WIPI1: variants seen among roughly 807,000 people sequenced by gnomAD.
WIPI1 encodes WD repeat domain phosphoinositide-interacting protein 1.
A neutral mutation model predicts 55.3 loss-of-function variants in WIPI1; 45 were observed. The ratio of observed to expected loss-of-function variants is 0.81; its 90% CI spans 0.64 to 1.04. The LOEUF is 1.04. Among genes scored for constraint, WIPI1 ranks in the 50% least tolerant of loss-of-function variants. The probability of loss-of-function intolerance (pLI) is 0.00; values close to 1 mark genes in which losing one functional copy is unlikely to be tolerated. For synonymous variants in WIPI1, 195 were observed against 217.6 expected (o/e 0.90, Z 0.92); for missense variants, 445 against 559.0 (o/e 0.80, Z 2.06).
chr17:68,426,042 T>C (rs1246368722), intron 12 of WIPI1, 33 bp downstream of exon 12: 1 of 1,589,604 alleles, frequency 6.3e-7, no homozygotes, highest in Admixed American at 1.7e-5. Context: ...GCACACAGAC[T>C]GAGCCGCCCA....
At chr17:68,441,526 G>A (rs2084076155) in intron 4 of WIPI1, among the ~76,000 whole-genome samples, 1 of 152,120 alleles carries the variant, frequency 6.6e-6, no homozygotes, top group Non-Finnish European at 1.5e-5. Context: ...AACAGATAAG[G>A]CGACTCCTGG....
intron 4 of WIPI1, among the ~76,000 whole-genome samples, chr17:68,442,456 C>T (rs1406659697): frequency 7.2e-6 from 1 of 139,670 alleles, no homozygotes; most frequent in Non-Finnish European, 1.5e-5. Flanking sequence ...CAGAGTGAGA[C>T]TGTGTCTCAA....
intron 3 of WIPI1, among the ~76,000 whole-genome samples, chr17:68,447,668 C>T (rs936868310): frequency 1.3e-5 from 2 of 152,152 alleles, no homozygotes; most frequent in Non-Finnish European, 2.9e-5. Context: ...TGGGACCACA[C>T]TTGGCCCTTT....
intron 4 of WIPI1, among the ~76,000 whole-genome samples, chr17:68,443,661 T>C (rs1260591332): frequency 6.6e-6 from 1 of 152,206 alleles, no homozygotes; most frequent in Non-Finnish European, 1.5e-5. Flanking sequence ...GGCACCCAGA[T>C]AGATCTTGAA....
intron 4 of WIPI1, among the ~76,000 whole-genome samples, chr17:68,443,344 C>G (rs1218132693): frequency 2.0e-5 from 3 of 152,154 alleles, no homozygotes; most frequent in Admixed American, 2.0e-4. Flanking sequence ...AACTCCTAAC[C>G]TCAGGTGATC....
chr17:68,424,527 C>T, intron 12 of WIPI1: 1 of 533,324 alleles, frequency 1.9e-6, no homozygotes, highest in East Asian at 5.5e-5. Flanking sequence ...TGTTTCAGTG[C>T]CCAAGTGGCA....
intron 1 of WIPI1, 113 bp from the exon 2 acceptor site, chr17:68,453,105 G>A: frequency 1.3e-6 from 1 of 764,222 alleles, no homozygotes; most frequent in Non-Finnish European, 2.2e-6. Context: ...ACAAGCATCT[G>A]CAGGAGCTTA....
intron 8 of WIPI1, among the ~76,000 whole-genome samples, chr17:68,430,929 A>G (rs1298775721): frequency 2.0e-5 from 3 of 152,084 alleles, no homozygotes; most frequent in Non-Finnish European, 4.4e-5. Flanking sequence ...GAGCTCTGGG[A>G]GGTATTCTTT....
At chr17:68,451,047 T>G in intron 2 of WIPI1, 150 bp from the exon 3 acceptor site, 1 of 1,102,632 alleles carries the variant, frequency 9.1e-7, no homozygotes, top group East Asian at 2.8e-5. Context: ...GCATTGACAG[T>G]GATCCACCAT....
In WIPI1 at chr17:68,441,027, G is replaced by C. The variant is rs777775584; in HGVS notation, c.430+3466C>G. On this transcript the variant is annotated intron_variant, in intron 4 of 12. Transcript: ENST00000262139. Reference sequence around the variant, plus strand: ...CTTGCTGGGGAAGAAACCATGAACTGTTCAATGATCTGCATTGCTGTGTGG... The same window carrying C: ...CTTGCTGGGGAAGAAACCATGAACTCTTCAATGATCTGCATTGCTGTGTGG... 1.3e-5 allele frequency: 2 copies of C among 152,194 alleles called. 1 individual carries two copies. Among genetic ancestry groups the C allele is most frequent in the South Asian group, 4.1e-4 (2 of 4,830 alleles). 9.4% of individuals were successfully genotyped at this position (152,194 alleles called of 1,614,324 possible). A position where few individuals can be genotyped will look rare whatever the true frequency, so the allele number is the denominator to read the frequency against.
At chr17:68,425,521 A>G (rs2083111644) in intron 12 of WIPI1, among the ~76,000 whole-genome samples, 1 of 150,454 alleles carries the variant, frequency 6.6e-6, no homozygotes, top group Non-Finnish European at 1.5e-5. Context: ...GCACCCGGCC[A>G]CTTGTTTCTT....
At chr17:68,449,657 C>A (rs369764924) in intron 3 of WIPI1, among the ~76,000 whole-genome samples, 35 of 152,180 alleles carry the variant, frequency 2.3e-4, no homozygotes, top group Admixed American at 1.3e-4. Flanking sequence ...ACGTAAGACG[C>A]CTGCTCCCGC....
At chr17:68,433,105 T>G (rs563726028) in intron 8 of WIPI1, among the ~76,000 whole-genome samples, 6 of 152,386 alleles carry the variant, frequency 3.9e-5, no homozygotes, top group South Asian at 2.1e-4. Context: ...CACTTCTTAG[T>G]GCTTCCTATG....
In WIPI1 at chr17:68,421,680, C is replaced by G; in HGVS notation, c.*93G>C. ...CCCGGGATTCCTGCCCCCCTTTCTG[C>G]TCACACAATTGCACTCCATTCTTCC... On this transcript the variant is annotated 3_prime_UTR_variant, in exon 13 of 13. Coordinates refer to ENST00000262139, the MANE Select transcript of WIPI1 (RefSeq NM_017983.7). 6.4e-7 allele frequency: 1 copy of G among 1,571,800 alleles called. No individual in the cohort carries two copies. The highest frequency in any genetic ancestry group is 2.2e-5 in the East Asian group (1 of 44,656).
At chr17:68,428,678 G>A in intron 10 of WIPI1, 151 bp downstream of exon 10, 1 of 622,160 alleles carries the variant, frequency 1.6e-6, no homozygotes, top group East Asian at 2.8e-5. Context: ...AGAGCCCGGT[G>A]CAGAGCACTT....
At chr17:68,437,108 T>C (rs536162318) in intron 4 of WIPI1, among the ~76,000 whole-genome samples, 8 of 152,200 alleles carry the variant, frequency 5.3e-5, no homozygotes, top group Admixed American at 6.5e-5. Flanking sequence ...AATTCCATTA[T>C]CCTCTAGGGT....
At chr17:68,429,258 C>T (rs2083401610) in intron 9 of WIPI1, among the ~76,000 whole-genome samples, 1 of 152,158 alleles carries the variant, frequency 6.6e-6, no homozygotes, top group Admixed American at 6.5e-5. Context: ...TGTGTCTCTG[C>T]CCTTAACCAA....
chr17:68,424,652 G>A, intron 12 of WIPI1: 1 of 379,776 alleles, frequency 2.6e-6, no homozygotes, highest in South Asian at 2.0e-5. Flanking sequence ...GAGACGAGTG[G>A]ATCACTTGAG....
chr17:68,426,254 G>GCCCCCCCCCCCC, intron 11 of WIPI1, 79 bp from the exon 12 acceptor site: 3 of 816,892 alleles, frequency 3.7e-6, no homozygotes, highest in Non-Finnish European at 1.9e-6. Flanking sequence ...GGGAGCGGGG[G>GCCCCCCCCCCCC]CTCAAATAAA....
Sources: allele counts gnomAD v4.1 joint callset (sites outside exome capture counted in the v4.1 genomes callset), GRCh38; gene constraint gnomAD v4.1.1; transcripts MANE v1.5; gene names NCBI Gene and HGNC (gene_info 2026-07-23, HGNC 2026-07-21).